Variants in ADAMTS17 observed in about 807,000 individuals in gnomAD.
ADAMTS17 encodes the protein ADAM metallopeptidase with thrombospondin type 1 motif 17, also known as A disintegrin and metalloproteinase with thrombospondin motifs 17.
ADAMTS17 carries 113 observed loss-of-function variants against 141.5 expected under a neutral mutation model. The ratio of observed to expected loss-of-function variants is 0.80; its 90% confidence interval spans 0.69 to 0.93. The LOEUF is 0.93. Ranked by LOEUF, ADAMTS17 falls within the 40% of genes least tolerant of loss-of-function variation. The pLI is 0.00. For synonymous variants in ADAMTS17, 768 were observed against 630.6 expected, an observed-to-expected ratio of 1.22 and a Z score of -3.27; for missense variants, 1,659 against 1,517.9, an observed-to-expected ratio of 1.09 and a Z score of -1.54.
In ADAMTS17 at chr15:100,267,068, T is replaced by A. The variant is rs913470032; in HGVS notation, c.790-4633A>T. Among the ~76,000 whole-genome samples the A allele has an allele frequency of 2.6e-5, 4 of 152,294 alleles. No homozygotes were observed. The East Asian group carries it at 7.7e-4, about 29-fold the overall frequency. On this transcript the variant is annotated intron_variant, in intron 4 of 21. Transcript: ENST00000268070. ...ACCGTGTACTTACCTGTAGTGTTAA[T>A]TACGTTCACGTTATTGTACAATTAA...
chr15:100,066,444 A>G (rs1163421022), intron 15 of ADAMTS17, among the ~76,000 whole-genome samples: 1 of 151,488 alleles, frequency 6.6e-6, no homozygotes, highest in Non-Finnish European at 1.5e-5. Context: ...AACATTTATC[A>G]TTTTTTTCTC....
intron 3 of ADAMTS17, among the ~76,000 whole-genome samples, chr15:100,309,688 G>C (rs920586213): frequency 1.3e-5 from 2 of 152,236 alleles, no homozygotes; most frequent in African/African-American, 4.8e-5. Context: ...AAGCCCAGCA[G>C]TTTCAATGCC....
chr15:100,291,629 G>A (rs2044627406), intron 3 of ADAMTS17, among the ~76,000 whole-genome samples: 2 of 152,070 alleles, frequency 1.3e-5, no homozygotes, highest in South Asian at 4.1e-4. Context: ...ACAAAATGTG[G>A]TACATATACA....
At chr15:100,277,061 G>A (rs906100920) in intron 4 of ADAMTS17, among the ~76,000 whole-genome samples, 4 of 152,074 alleles carry the variant, frequency 2.6e-5, no homozygotes, top group Admixed American at 6.5e-5. Flanking sequence ...GCTTCCATTC[G>A]CCTTCTGGCT....
intron 7 of ADAMTS17, among the ~76,000 whole-genome samples, chr15:100,240,130 A>G (rs1169039868): frequency 2.0e-5 from 3 of 152,210 alleles, no homozygotes; most frequent in Admixed American, 2.0e-4. Flanking sequence ...GCTGCTGCTC[A>G]GGAGGGGCCC....
In ADAMTS17 at chr15:100,152,666, G is replaced by A. The variant is rs757625048; in HGVS notation, c.1419C>T (p.Asn473=). The part of the protein sequence containing the change: ...HKLPGMHYSA[N]EQCQILFGMN... ...TGCCAAACAGGATCTGGCACTGCTC[G>A]TTGGCACTGTAGTGCATGCCCGGCA... Residue 473 remains asparagine, a synonymous_variant, in exon 10 of 22, where the codon AAC becomes AAT. Coordinates refer to ENST00000268070, the MANE Select transcript of ADAMTS17 (RefSeq NM_139057.4). The A allele has an allele frequency of 1.6e-5, 26 of 1,614,046 alleles. 1 individual carries two copies. In the Middle Eastern group the frequency reaches 4.9e-4, roughly 31 times the overall value.
At chr15:100,154,885 A>G (rs2141369495) in intron 9 of ADAMTS17, among the ~76,000 whole-genome samples, 1 of 152,330 alleles carries the variant, frequency 6.6e-6, no homozygotes, top group Admixed American at 6.5e-5. Flanking sequence ...CACGGTCACA[A>G]CACTGCAGAG....
chr15:99,976,432 C>T (rs1236716528), intron 20 of ADAMTS17: 34 of 682,924 alleles, frequency 5.0e-5, no homozygotes, highest in Non-Finnish European at 8.0e-5. Context: ...GGACGATGGC[C>T]TCACAATGTG....
At chr15:100,339,656 G>A (rs182784690) in intron 2 of ADAMTS17, among the ~76,000 whole-genome samples, 624 of 39,904 alleles carry the variant, frequency 0.016, 1 homozygote, top group Middle Eastern at 0.12. Context: ...CACATTCCCC[G>A]CCCCAGGTCC....
chr15:100,220,422 A>G (rs1268288194), intron 7 of ADAMTS17, among the ~76,000 whole-genome samples: 2 of 152,208 alleles, frequency 1.3e-5, no homozygotes, highest in Non-Finnish European at 2.9e-5. Flanking sequence ...AAAAGTAGAA[A>G]TAACAGTAAC....
intron 18 of ADAMTS17, among the ~76,000 whole-genome samples, chr15:99,998,885 C>T (rs2060860852): frequency 6.6e-6 from 1 of 152,210 alleles, no homozygotes; most frequent in African/African-American, 2.4e-5. Context: ...AGCAGCTTGA[C>T]CTGTGCACTG....
At chr15:100,261,450 T>C (rs773011889) in intron 6 of ADAMTS17, 29 bp downstream of exon 6, 4 of 1,613,502 alleles carry the variant, frequency 2.5e-6, no homozygotes, top group African/African-American at 1.3e-5. Context: ...CCCTCTCACA[T>C]GTCAGCTACA....
chr15:100,155,297 T>C lies in ADAMTS17; in HGVS notation c.1205A>G (p.Asp402Gly). The part of the protein sequence containing the change: ...GHNLGMNHDD[D>G]HSSCAGRSHI... The stretch of plus-strand genomic sequence containing the variant: ...GGACCTGCCAGCGCAAGATGAGTGG[T>C]CATCGTCGTGGTTCATGCCCAAGCT... Residue 402 changes from aspartate to glycine, a missense_variant, in exon 9 of 22, where the codon GAC (aspartate) becomes GGC (glycine). By Grantham distance (94) the Asp-to-Gly change is moderately conservative. Transcript: ENST00000268070. The C allele has an allele frequency of 6.2e-7, 1 of 1,614,062 alleles. No homozygotes were observed. The highest frequency in any genetic ancestry group is 1.6e-4 in the Middle Eastern group (1 of 6,062).
At chr15:100,156,777 G>C (rs114871710) in intron 8 of ADAMTS17, among the ~76,000 whole-genome samples, 2 of 152,160 alleles carry the variant, frequency 1.3e-5, no homozygotes, top group African/African-American at 4.8e-5. Context: ...TCTGCTCCAA[G>C]GCTGCTTCAC....
intron 12 of ADAMTS17, among the ~76,000 whole-genome samples, chr15:100,119,441 CTACCTTTCCTACACACTTGAG>C (rs568092812): frequency 2.1e-3 from 326 of 152,334 alleles, no homozygotes; most frequent in Admixed American, 4.8e-3. Flanking sequence ...ATAAAGAAAG[CTACCTTTCCTACACACTTGAG>C]TATAGACTCT....
rs1010997380 is a variant in ADAMTS17 at position 100,246,070 on chromosome 15, C to T, written c.1075+8066G>A. Among the ~76,000 whole-genome samples, 128 of 152,152 alleles carry T rather than the reference C, an allele frequency of 8.4e-4. 10 individuals are homozygous for T. Among genetic ancestry groups the T allele is most frequent in the Non-Finnish European group, 7.3e-5 (5 of 68,034 alleles). On this transcript the variant is annotated intron_variant, in intron 7 of 21. Coordinates refer to ENST00000268070, the MANE Select transcript of ADAMTS17 (RefSeq NM_139057.4). ...TCCTCTTCTGTTCTCTTAGGCATAA[C>T]AGCTCCTACACACAGTCTTTCGCAG...
intron 3 of ADAMTS17, among the ~76,000 whole-genome samples, chr15:100,328,489 C>T (rs528529260): frequency 6.6e-6 from 1 of 152,146 alleles, no homozygotes; most frequent in Non-Finnish European, 1.5e-5. Context: ...ACATTACTCC[C>T]GCACCAAAAA....
intron 18 of ADAMTS17, among the ~76,000 whole-genome samples, chr15:100,042,872 C>T (rs1418571416): frequency 6.6e-6 from 1 of 152,086 alleles, no homozygotes; most frequent in Non-Finnish European, 1.5e-5. Flanking sequence ...AATGGTTGAC[C>T]ACGGGTAACT....
At chr15:100,010,339 T>C (rs2061138104) in intron 18 of ADAMTS17, among the ~76,000 whole-genome samples, 1 of 152,144 alleles carries the variant, frequency 6.6e-6, no homozygotes, top group East Asian at 1.9e-4. Context: ...GTAAATATAT[T>C]GGGCATGGGG....
Sources: gnomAD v4.1 joint callset for allele counts (sites outside exome capture counted in the v4.1 genomes callset) on GRCh38, gnomAD v4.1.1 for gene constraint, MANE v1.5 for transcripts, NCBI Gene and HGNC (gene_info 2026-07-23, HGNC 2026-07-21) for gene names.